SMAD7: variants seen among roughly 807,000 people sequenced by gnomAD.
SMAD7 encodes MAD (mothers against decapentaplegic, Drosophila) homolog 7.
SMAD7 carries 8 observed loss-of-function variants against 38.7 expected under a neutral mutation model. The observed-to-expected ratio is 0.21, with a 90% CI of 0.12 to 0.37. The LOEUF (loss-of-function observed/expected upper bound fraction) is 0.37, where lower values mean the gene tolerates loss of function less well. Ranked by LOEUF, SMAD7 falls within the 10% of genes least tolerant of loss-of-function variation. The pLI, the probability that SMAD7 is intolerant of heterozygous loss-of-function variation, is 1.00. For synonymous variants in SMAD7, 327 were observed against 265.1 expected (o/e 1.23, Z -2.27); for missense variants, 477 against 577.9 (o/e 0.83, Z 1.79).
chr18:48,923,643 A>T (rs1162632164), intron 3 of SMAD7, among the ~76,000 whole-genome samples: 1 of 152,110 alleles, frequency 6.6e-6, no homozygotes, highest in Non-Finnish European at 1.5e-5. Flanking sequence ...TGCCTGCCCC[A>T]AAAGCTCCAC....
chr18:48,922,583 G>A (rs922556649), intron 3 of SMAD7, among the ~76,000 whole-genome samples: 1 of 152,188 alleles, frequency 6.6e-6, no homozygotes, highest in Non-Finnish European at 1.5e-5. Flanking sequence ...CAGTCTCAGT[G>A]TGTCAGCAGC....
chr18:48,942,618 T>C, intron 2 of SMAD7, 63 bp from the exon 3 acceptor site: 1 of 1,610,536 alleles, frequency 6.2e-7, no homozygotes, highest in Non-Finnish European at 8.5e-7. Context: ...AAGATCCATC[T>C]TTAAGCACGC....
At chr18:48,937,290 G>A (rs2070080348) in intron 3 of SMAD7, among the ~76,000 whole-genome samples, 2 of 151,090 alleles carry the variant, frequency 1.3e-5, no homozygotes, top group African/African-American at 4.9e-5. Context: ...GTGTGTGTGT[G>A]TGTGTGTGTG....
At chr18:48,942,747 G>A (rs2070156529) in intron 2 of SMAD7, 192 bp from the exon 3 acceptor site, 2 of 1,444,134 alleles carry the variant, frequency 1.4e-6, no homozygotes, top group Non-Finnish European at 9.0e-7. Context: ...ACAGCACCTT[G>A]TCACCCGTCT....
In SMAD7 at chr18:48,948,367, A is replaced by G. The variant is rs549368257; in HGVS notation, c.667+17T>C. On this transcript the variant is annotated intron_variant, in intron 2 of 3. Transcript: ENST00000262158. ...TAACTTAAGATAAGCAGGATATTTTAAAAATCATCTACTCACCAGTTGGTT... is the reference window on the plus strand; with the variant it reads ...TAACTTAAGATAAGCAGGATATTTTGAAAATCATCTACTCACCAGTTGGTT... 6 of 1,562,030 alleles carry G rather than the reference A, an allele frequency of 3.8e-6. No individual in the cohort carries two copies. Among genetic ancestry groups the G allele is most frequent in the Non-Finnish European group, 5.3e-6 (6 of 1,141,352 alleles).
intron 2 of SMAD7, among the ~76,000 whole-genome samples, chr18:48,947,075 T>C (rs1385946610): frequency 6.6e-6 from 1 of 152,242 alleles, no homozygotes; most frequent in Non-Finnish European, 1.5e-5. Context: ...CAAGTTACAG[T>C]CTTTAGGAAA....
rs746646930 is a variant in SMAD7 at position 48,950,951 on chromosome 18, G to A, written c.-527C>T. ...GCTAAGCAACTTAATTTGGGGGTGG[G>A]GAGAAGCAGGCAATTAAAAAAAAAA... On this transcript the variant is annotated 5_prime_UTR_variant, in exon 1 of 4. Coordinates refer to ENST00000262158, the MANE Select transcript of SMAD7 (RefSeq NM_005904.4). Among the ~76,000 whole-genome samples, 6 of 151,328 alleles carry A rather than the reference G, an allele frequency of 4.0e-5. No individual in the cohort carries two copies. The highest frequency in any genetic ancestry group is 8.8e-5 in the Non-Finnish European group (6 of 67,876).
intron 3 of SMAD7, among the ~76,000 whole-genome samples, chr18:48,941,065 A>C (rs1162050582): frequency 6.6e-6 from 1 of 152,164 alleles, no homozygotes; most frequent in African/African-American, 2.4e-5. Flanking sequence ...TTAAAAAATA[A>C]AACCATCTAA....
intron 2 of SMAD7, among the ~76,000 whole-genome samples, chr18:48,946,430 C>CGGGGGGGG (rs74174734): frequency 6.9e-5 from 10 of 145,882 alleles, no homozygotes; most frequent in South Asian, 4.4e-4. Flanking sequence ...GTGAGGGGGG[C>CGGGGGGGG]GGGGGGGGTG....
rs564410300 is a variant in SMAD7 at position 48,921,979 on chromosome 18, G to GC, written c.743-70dup. ...GGTGACTCCTAGAATGAAGACACCC[G>GC]CCCCCCCACTGCACCCAGTCACCAG... On this transcript the variant is annotated intron_variant, in intron 3 of 3. Transcript: ENST00000262158. The surrounding 1 kb of genome is among the most constrained non-coding windows in gnomAD (Gnocchi z 6.4). The GC allele has an allele frequency of 1.6e-4, 194 of 1,212,530 alleles. No homozygotes were observed. Among genetic ancestry groups the GC allele is most frequent in the South Asian group, 5.3e-4 (36 of 68,300 alleles). The allele number at this position is 1,212,530 out of a possible 1,614,324, so 75.1% of individuals were successfully genotyped here.
At chr18:48,937,464 GC>G (rs1191265795) in intron 3 of SMAD7, among the ~76,000 whole-genome samples, 1 of 152,174 alleles carries the variant, frequency 6.6e-6, no homozygotes, top group East Asian at 1.9e-4. Flanking sequence ...CGGCAGAGCA[GC>G]CCAAATTTGC....
intron 1 of SMAD7, 62 bp from the exon 2 acceptor site, chr18:48,948,499 T>G (rs879810666): frequency 9.4e-6 from 11 of 1,167,154 alleles, no homozygotes; most frequent in East Asian, 4.9e-5. Context: ...TAGAAACTTA[T>G]GATAACAGAG....
chr18:48,937,145 A>G (rs1186110049), intron 3 of SMAD7, among the ~76,000 whole-genome samples: 1 of 152,126 alleles, frequency 6.6e-6, no homozygotes, highest in African/African-American at 2.4e-5. Flanking sequence ...GCCAAACTTG[A>G]TCATGAATTC....
chr18:48,939,952 A>G (rs1212395987), intron 3 of SMAD7, among the ~76,000 whole-genome samples: 1 of 150,956 alleles, frequency 6.6e-6, no homozygotes, highest in Admixed American at 6.6e-5. Flanking sequence ...TGGAACGATC[A>G]ACTTCTTGAA....
At chr18:48,924,715 TCCAGCTCCCCCA>T (rs777401925) in intron 3 of SMAD7, among the ~76,000 whole-genome samples, 20 of 152,226 alleles carry the variant, frequency 1.3e-4, no homozygotes, top group Non-Finnish European at 2.2e-4. Context: ...CGCTGTCCCC[TCCAGCTCCCCCA>T]CCAGCAGCCT....
chr18:48,924,019 C>T (rs374465398), intron 3 of SMAD7, among the ~76,000 whole-genome samples: 12 of 152,144 alleles, frequency 7.9e-5, no homozygotes, highest in East Asian at 3.9e-4. Flanking sequence ...AAGACCTGAA[C>T]GCCCAGGGAA....
At position 48,950,095 on chromosome 18, in the gene SMAD7, C is replaced by T. The variant is rs1353837038; in HGVS notation, c.330G>A (p.Leu110=). 2.7e-6 allele frequency: 4 copies of T among 1,476,480 alleles called. No homozygotes were observed. The African/African-American group carries it at 4.4e-5, about 16-fold the overall frequency. 91.5% of individuals were successfully genotyped at this position (1,476,480 alleles called of 1,614,324 possible). A position where few individuals can be genotyped will look rare whatever the true frequency, so the allele number is the denominator to read the frequency against. ...LKKLKERQLE[L]LLQAVESRGG... is the part of the protein sequence containing the mutation. ...CGCGGGACTCCACGGCCTGGAGCAG[C>T]AGCTCCAGCTGCCGCTCCTTCAGTT... The change falls in exon 1 of 4, where the codon CTG becomes CTA. Residue 110 remains leucine (L), a synonymous_variant. Transcript: ENST00000262158.
chr18:48,939,018 G>A (rs1364352099), intron 3 of SMAD7, among the ~76,000 whole-genome samples: 1 of 152,106 alleles, frequency 6.6e-6, no homozygotes, highest in Non-Finnish European at 1.5e-5. Context: ...ACCTCTTGGA[G>A]AGGCCGCCCT....
chr18:48,939,476 C>G (rs758683770), intron 3 of SMAD7, among the ~76,000 whole-genome samples: 1 of 151,690 alleles, frequency 6.6e-6, no homozygotes, highest in African/African-American at 2.4e-5. Context: ...CCCTTCCTCC[C>G]GGGCAGTTTG....
Sources: gnomAD v4.1 joint callset for allele counts (sites outside exome capture counted in the v4.1 genomes callset) on GRCh38, gnomAD v4.1.1 for gene constraint, Gnocchi (gnomAD v3.1) non-coding constraint, MANE v1.5 for transcripts, NCBI Gene and HGNC (gene_info 2026-07-23, HGNC 2026-07-21) for gene names.